GPC5: variants seen among roughly 807,000 people sequenced by gnomAD.
GPC5 encodes glypican 5, also known as glypican-5.
Under a neutral mutation model 53.9 loss-of-function variants are expected in GPC5, and 47 were observed. The ratio of observed to expected loss-of-function variants is 0.87; its 90% CI spans 0.69 to 1.11. GPC5 has a LOEUF of 1.11. Among genes scored for constraint, GPC5 ranks in the 50% most tolerant of loss-of-function variants. The probability of loss-of-function intolerance (pLI) is 0.00; values close to 1 mark genes in which losing one functional copy is unlikely to be tolerated. For missense variants in GPC5, 748 were observed against 713.1 expected (o/e 1.05, Z -0.56); for synonymous variants, 286 against 263.3 (o/e 1.09, Z -0.84).
intron 7 of GPC5, among the ~76,000 whole-genome samples, chr13:92,223,716 T>G (rs181284247): frequency 2.5e-4 from 38 of 152,248 alleles, no homozygotes; most frequent in African/African-American, 8.9e-4. Flanking sequence ...TGTAAGAAAC[T>G]AGCTTTTTTA....
At chr13:92,554,771 ATAT>A (rs1390968829) in intron 7 of GPC5, among the ~76,000 whole-genome samples, 1 of 150,964 alleles carries the variant, frequency 6.6e-6, no homozygotes, top group African/African-American at 2.4e-5. Context: ...TTGATAGAAA[ATAT>A]TATATAGAAA....
At chr13:91,545,536 A>G (rs534687437) in intron 2 of GPC5, among the ~76,000 whole-genome samples, 6 of 152,146 alleles carry the variant, frequency 3.9e-5, no homozygotes, top group African/African-American at 1.4e-4. Context: ...ATTATAAAAA[A>G]TTATTGTGGT....
chr13:92,163,474 A>G (rs867525288), intron 7 of GPC5, among the ~76,000 whole-genome samples: 3 of 151,836 alleles, frequency 2.0e-5, no homozygotes, highest in South Asian at 2.1e-4. Flanking sequence ...AAAAAAAAAA[A>G]AAAAGATGGA....
rs900069382 is a variant in GPC5, at chr13:91,936,743, A to C, written c.1401+28686A>C. ...AATTGGCTCAGGTTTCTAAGAAAATAGATAGAAAGGAACAAATTTAAGCAT... is the reference window on the plus strand; with the variant it reads ...AATTGGCTCAGGTTTCTAAGAAAATCGATAGAAAGGAACAAATTTAAGCAT... On this transcript the variant is annotated intron_variant, in intron 6 of 7. Transcript: ENST00000377067. Among the ~76,000 whole-genome samples, 10 of 151,700 alleles carry C rather than the reference A, an allele frequency of 6.6e-5. No homozygotes were observed. The South Asian group carries it at 1.7e-3, about 25-fold the overall frequency.
chr13:91,626,993 A>C lies in GPC5; in HGVS notation c.326-66194A>C, dbSNP rs1470936707. Among the ~76,000 whole-genome samples, 16 of 110,202 alleles carry C rather than the reference A, an allele frequency of 1.5e-4. 1 individual carries two copies. Among genetic ancestry groups the C allele is most frequent in the South Asian group, 6.9e-4 (2 of 2,896 alleles). The allele number at this position is 110,202 out of a possible 152,430, so 72.3% of individuals were successfully genotyped here. On this transcript the variant is annotated intron_variant, in intron 2 of 7. Transcript: ENST00000377067. ...CTTCATCCATGTCCCTACAAAGGAC[A>C]TGAACTCATCATTTTTTTTTTTTTT... is the stretch of plus-strand genomic sequence containing the variant.
intron 2 of GPC5, among the ~76,000 whole-genome samples, chr13:91,572,034 T>TGTGTATATACACACATATGTATATATAC (rs2031887324): frequency 1.7e-5 from 2 of 117,178 alleles, no homozygotes; most frequent in Admixed American, 8.3e-5. Context: ...TGTGTATATA[T>TGTGTATATACACACATATGTATATATAC]GTGTATATAC....
intron 7 of GPC5, among the ~76,000 whole-genome samples, chr13:92,418,205 T>C (rs898732818): frequency 4.6e-5 from 7 of 152,252 alleles, no homozygotes; most frequent in African/African-American, 7.2e-5. Flanking sequence ...GGATTTCTTT[T>C]TGGGGTGAAA....
chr13:92,290,323 TTA>T (rs1260043989), intron 7 of GPC5, among the ~76,000 whole-genome samples: 10 of 152,174 alleles, frequency 6.6e-5, no homozygotes, highest in Admixed American at 5.9e-4. Context: ...TGGATTTGAC[TTA>T]TATTTTTATT....
intron 6 of GPC5, among the ~76,000 whole-genome samples, chr13:91,939,508 A>G (rs1244930196): frequency 6.6e-6 from 1 of 152,140 alleles, no homozygotes; most frequent in African/African-American, 2.4e-5. Context: ...GCATCTCACA[A>G]ATATTAACAC....
intron 2 of GPC5, among the ~76,000 whole-genome samples, chr13:91,544,998 A>G (rs1197366333): frequency 2.0e-5 from 3 of 152,136 alleles, no homozygotes; most frequent in Non-Finnish European, 2.9e-5. Flanking sequence ...TCCTTTCCCC[A>G]GGGGTCTAAC....
At chr13:91,951,284 A>C (rs976787714) in intron 6 of GPC5, among the ~76,000 whole-genome samples, 1 of 152,188 alleles carries the variant, frequency 6.6e-6, no homozygotes, top group African/African-American at 2.4e-5. Flanking sequence ...TAAATAAACC[A>C]TGAATACATA....
intron 7 of GPC5, among the ~76,000 whole-genome samples, chr13:92,809,656 A>G (rs2138796806): frequency 6.6e-6 from 1 of 152,314 alleles, no homozygotes; most frequent in East Asian, 1.9e-4. Context: ...AAAATATTTT[A>G]AGGTTAACTT....
chr13:92,067,183 C>T (rs938000014), intron 6 of GPC5, among the ~76,000 whole-genome samples: 5 of 151,998 alleles, frequency 3.3e-5, no homozygotes, highest in South Asian at 2.1e-4. Context: ...CTATTTGCTC[C>T]GTTTCCACAC....
intron 1 of GPC5, among the ~76,000 whole-genome samples, chr13:91,431,542 C>G (rs1315169395): frequency 6.6e-6 from 1 of 152,178 alleles, no homozygotes; most frequent in Non-Finnish European, 1.5e-5. Flanking sequence ...ATAGAATAGG[C>G]ACTTCTCTCC....
chr13:92,665,606 TAA>T (rs1317477536), intron 7 of GPC5, among the ~76,000 whole-genome samples: 1 of 152,172 alleles, frequency 6.6e-6, no homozygotes, highest in Non-Finnish European at 1.5e-5. Flanking sequence ...CGTGGGACAC[TAA>T]AGTTTCACTG....
intron 5 of GPC5, among the ~76,000 whole-genome samples, chr13:91,882,233 A>AT (rs1217854772): frequency 2.0e-5 from 3 of 152,102 alleles, no homozygotes; most frequent in Non-Finnish European, 4.4e-5. Context: ...TATTTTAAAA[A>AT]ATATATATTG....
intron 2 of GPC5, among the ~76,000 whole-genome samples, chr13:91,609,529 G>A (rs1305373310): frequency 1.3e-5 from 2 of 152,162 alleles, no homozygotes; most frequent in Admixed American, 6.5e-5. Context: ...CACAAACCCA[G>A]CTGCCAGAGG....
chr13:92,059,059 C>G (rs2041100033), intron 6 of GPC5, among the ~76,000 whole-genome samples: 1 of 152,112 alleles, frequency 6.6e-6, no homozygotes, highest in Non-Finnish European at 1.5e-5. Flanking sequence ...TCTAAGAAGA[C>G]TTGACCATTA....
intron 7 of GPC5, among the ~76,000 whole-genome samples, chr13:92,603,584 C>T (rs921063637): frequency 3.3e-5 from 5 of 152,144 alleles, no homozygotes; most frequent in Non-Finnish European, 5.9e-5. Context: ...CCTAAGAGAG[C>T]TCCAGGAATA....
Sources: gnomAD v4.1 joint callset for allele counts (sites outside exome capture counted in the v4.1 genomes callset) on GRCh38, gnomAD v4.1.1 for gene constraint, MANE v1.5 for transcripts, NCBI Gene and HGNC (gene_info 2026-07-23, HGNC 2026-07-21) for gene names.